Variants in PARP4 observed in about 807,000 individuals in gnomAD.
PARP4 encodes poly(ADP-ribose) polymerase family member 4, also known as protein mono-ADP-ribosyltransferase PARP4.
PARP4 carries 120 observed loss-of-function variants against 187.7 expected under a neutral mutation model. The ratio of observed to expected loss-of-function variants is 0.64; its 90% CI spans 0.55 to 0.74. The LOEUF is 0.74. Among genes scored for constraint, PARP4 ranks in the 30% least tolerant of loss-of-function variants. The probability of loss-of-function intolerance (pLI) is 0.00; values close to 1 mark genes in which losing one functional copy is unlikely to be tolerated. For synonymous variants in PARP4, 654 were observed against 740.9 expected (o/e 0.88, Z 1.90); for missense variants, 1,836 against 2,070.5 (o/e 0.89, Z 2.20).
At chr13:24,494,474 T>G in intron 7 of PARP4, 99 bp downstream of exon 7, 2 of 1,091,800 alleles carry the variant, frequency 1.8e-6, no homozygotes, top group Non-Finnish European at 2.6e-6. Flanking sequence ...GATACAGGCA[T>G]GAGCCACGAA....
intron 32 of PARP4, among the ~76,000 whole-genome samples, chr13:24,427,716 AATAAT>A (rs1870131070): frequency 6.6e-6 from 1 of 152,190 alleles, no homozygotes; most frequent in Non-Finnish European, 1.5e-5. Flanking sequence ...GCTTTTATTA[AATAAT>A]ATAATGTTCT....
chr13:24,454,326 G>A (rs1871703199), intron 22 of PARP4, among the ~76,000 whole-genome samples: 1 of 152,192 alleles, frequency 6.6e-6, no homozygotes, highest in Admixed American at 6.5e-5. Flanking sequence ...CTCTGTCCCA[G>A]CAACAGCAGA....
Position 24,434,374 on chromosome 13 carries a change from AAGGAG to A in PARP4, c.4746+16_4746+20del. 6.6e-7 allele frequency: 1 copy of A among 1,516,358 alleles called. No individual in the cohort carries two copies. Among genetic ancestry groups the A allele is most frequent in the African/African-American group, 1.4e-5 (1 of 71,836 alleles). 93.9% of individuals were successfully genotyped at this position (1,516,358 alleles called of 1,614,324 possible). ...TATGAAGCCAGCCAACCACAGATTT[AAGGAG>A]AAATAAGACACATACCTCTGTCTGT... On this transcript the variant is annotated intron_variant, in intron 31 of 33. Transcript: ENST00000381989.
At chr13:24,430,602 C>T (rs537943632) in intron 32 of PARP4, among the ~76,000 whole-genome samples, 81 of 151,760 alleles carry the variant, frequency 5.3e-4, no homozygotes, top group African/African-American at 1.9e-3. Context: ...TGCAGTCAGC[C>T]GAGATAGTAC....
At chr13:24,511,123 T>C (rs968055482) in intron 1 of PARP4, among the ~76,000 whole-genome samples, 1 of 152,204 alleles carries the variant, frequency 6.6e-6, no homozygotes, top group East Asian at 1.9e-4. Flanking sequence ...ATCTGCGGTC[T>C]GTTCTTAGCA....
intron 14 of PARP4, among the ~76,000 whole-genome samples, chr13:24,476,363 T>G (rs957674138): frequency 2.0e-5 from 3 of 152,176 alleles, no homozygotes; most frequent in Admixed American, 2.0e-4. Flanking sequence ...ACAGAGGTCT[T>G]CAGACTGTCT....
rs756987701 is a variant in PARP4 at position 24,421,229 on chromosome 13, G to A, written c.5065C>T (p.Arg1689Trp). The A allele has an allele frequency of 4.4e-5, 61 of 1,381,450 alleles. No homozygotes were observed. Among genetic ancestry groups the A allele is most frequent in the Middle Eastern group, 2.6e-4 (1 of 3,822 alleles). The allele number at this position is 1,381,450 out of a possible 1,614,324, so 85.6% of individuals were successfully genotyped here. Reference protein sequence around the residue: ...TEGQYPSICPRLELGNDWDSA... With the variant: ...TEGQYPSICPWLELGNDWDSA... ...TCCCAGTCGTTCCCCAGTTCAAGCC[G>A]TGGGCAGATAGATGGGTACTGTCCT... Residue 1689 changes from arginine (R) to tryptophan (W), a missense_variant, in exon 34 of 34, where the codon CGG (arginine) becomes TGG (tryptophan). By Grantham distance (101) the Arg-to-Trp change is moderately radical. This residue lies in a region of PARP4 where 29 missense variants were observed against 81.3 expected (regional missense o/e 0.36). Transcript: ENST00000381989.
At position 24,493,613 on chromosome 13, in the gene PARP4, T is replaced by C. The variant is rs1477735658; in HGVS notation, c.862A>G (p.Arg288Gly). 2 of 1,611,992 alleles carry C rather than the reference T, an allele frequency of 1.2e-6. No homozygotes were observed. The highest frequency in any genetic ancestry group is 1.7e-6 in the Non-Finnish European group (2 of 1,179,522). Residue 288 changes from arginine to glycine, a missense_variant, in exon 8 of 34, where the codon AGG (arginine) becomes GGG (glycine). Arg to Gly is a moderately radical substitution (Grantham distance 125, BLOSUM62 -2). Coordinates refer to ENST00000381989, the MANE Select transcript of PARP4 (RefSeq NM_006437.4). ...LEHMLLKPVN[R>G]ISLNDVSKAE... is the part of the protein sequence containing the mutation. ...CAACTTACATCGTTGAGGCTAATCC[T>C]GTTCACTGGCTTGAGAAGCATGTGT...
At chr13:24,485,363 C>CT (rs200638457) in intron 11 of PARP4, among the ~76,000 whole-genome samples, 1,639 of 152,252 alleles carry the variant, frequency 0.011, 37 homozygotes, top group African/African-American at 0.036. Flanking sequence ...CAGCTTTTCA[C>CT]TTCTTTAAAA....
At chr13:24,478,654 G>A (rs912919805) in intron 12 of PARP4, among the ~76,000 whole-genome samples, 5 of 151,764 alleles carry the variant, frequency 3.3e-5, no homozygotes, top group South Asian at 4.2e-4. Context: ...GGCTGGTCTC[G>A]AACTCCTGGG....
intron 30 of PARP4, among the ~76,000 whole-genome samples, 173 bp from the exon 31 acceptor site, chr13:24,435,647 C>T (rs1173339166): frequency 1.3e-5 from 2 of 152,170 alleles, no homozygotes; most frequent in Admixed American, 1.3e-4. Flanking sequence ...CTGCGTGCAG[C>T]AGCTCACGCG....
In PARP4 at chr13:24,470,759, A is replaced by G. The variant is rs184037596; in HGVS notation, c.1915-734T>C. On this transcript the variant is annotated intron_variant, in intron 15 of 33. Coordinates refer to ENST00000381989, the MANE Select transcript of PARP4 (RefSeq NM_006437.4). ...GACACCAAAATGAAAAATTAAAAAA[A>G]AAAATCTAACTTATTTGAAAACATT... Among the ~76,000 whole-genome samples, 1,075 of 152,308 alleles carry G rather than the reference A, an allele frequency of 7.1e-3. 22 individuals carry two copies. Among genetic ancestry groups the G allele is most frequent in the African/African-American group, 0.024 (1,017 of 41,554 alleles).
chr13:24,461,018 T>C (rs1463557319), intron 17 of PARP4, among the ~76,000 whole-genome samples: 1 of 152,152 alleles, frequency 6.6e-6, no homozygotes, highest in African/African-American at 2.4e-5. Context: ...TAAAGGGATG[T>C]TGATAATAGC....
At chr13:24,478,424 C>T (rs1593632133) in intron 12 of PARP4, 148 bp from the exon 13 acceptor site, 1 of 485,962 alleles carries the variant, frequency 2.1e-6, no homozygotes, top group Non-Finnish European at 3.5e-6. Flanking sequence ...TTATTATGCA[C>T]TTATTTATTT....
intron 6 of PARP4, among the ~76,000 whole-genome samples, chr13:24,497,561 CA>C (rs1869024085): frequency 6.6e-6 from 1 of 152,196 alleles, no homozygotes; most frequent in African/African-American, 2.4e-5. Flanking sequence ...CTGATCTACT[CA>C]GGGGGTGAGG....
At chr13:24,496,037 G>A (rs566872147) in intron 6 of PARP4, among the ~76,000 whole-genome samples, 43 of 151,210 alleles carry the variant, frequency 2.8e-4, no homozygotes, top group African/African-American at 8.8e-4. Context: ...TGGCCTACAC[G>A]ATGCTACGGT....
At chr13:24,432,440 A>C (rs9507341) in intron 31 of PARP4, among the ~76,000 whole-genome samples, 52,038 of 152,122 alleles carry the variant, frequency 0.34, 9,055 homozygotes, top group Middle Eastern at 0.39. Context: ...ATGTGTTTGG[A>C]GTTAAATATA....
Position 24,484,665 on chromosome 13 carries a change from C to T in PARP4, c.1436G>A (p.Ser479Asn), listed in dbSNP as rs1873456022. The change falls in exon 12 of 34, where the codon AGT becomes AAT. Residue 479 changes from serine to asparagine, a missense_variant. Ser to Asn is a conservative substitution (Grantham distance 46). Coordinates refer to ENST00000381989, the MANE Select transcript of PARP4 (RefSeq NM_006437.4). ...VGNLGSGIYFSDSLSTSIKYS... is the reference protein window; with the variant it reads ...VGNLGSGIYFNDSLSTSIKYS... Reference sequence around the variant, plus strand: ...GGATCGAACATACCTGAGCGAATCACTGAAATAAATCCCACTTCCAAGGTT... The same window carrying T: ...GGATCGAACATACCTGAGCGAATCATTGAAATAAATCCCACTTCCAAGGTT... The T allele has an allele frequency of 3.1e-6, 5 of 1,607,182 alleles. No homozygotes were observed. Among genetic ancestry groups the T allele is most frequent in the Non-Finnish European group, 4.3e-6 (5 of 1,173,550 alleles).
chr13:24,506,166 G>C (rs1293243472), intron 1 of PARP4, among the ~76,000 whole-genome samples: 1 of 152,070 alleles, frequency 6.6e-6, no homozygotes, highest in Non-Finnish European at 1.5e-5. Flanking sequence ...TGGTCTCACT[G>C]ACATCAAGTA....
Sources: allele counts gnomAD v4.1 joint callset (sites outside exome capture counted in the v4.1 genomes callset), GRCh38; gene constraint gnomAD v4.1.1; regional missense constraint gnomAD v4.1.1; transcripts MANE v1.5; gene names NCBI Gene and HGNC (gene_info 2026-07-23, HGNC 2026-07-21).